The following SPRING1 variants were observed in gnomAD, a reference collection of about 807,000 sequenced individuals.
SPRING1 encodes the protein SREBP regulating gene protein.
SPRING1 carries 14 observed loss-of-function variants against 24.7 expected under a neutral mutation model. That is an observed-to-expected ratio of 0.57 (90% CI 0.37 to 0.88). The LOEUF is 0.88. SPRING1 is among the 40% of genes least tolerant of loss of function. The pLI, the probability that SPRING1 is intolerant of heterozygous loss-of-function variation, is 0.00. For missense variants in SPRING1, 255 were observed against 268.4 expected, an observed-to-expected ratio of 0.95 and a Z score of 0.35; for synonymous variants, 93 against 106.1, an observed-to-expected ratio of 0.88 and a Z score of 0.76.
Position 116,722,835 on chromosome 12 carries a change from T to C in SPRING1, c.268+232A>G, listed in dbSNP as rs535374315. Among the ~76,000 whole-genome samples, 8 of 152,300 alleles carry C rather than the reference T, an allele frequency of 5.3e-5. No individual in the cohort carries two copies. The East Asian group carries it at 1.5e-3, about 29-fold the overall frequency. Reference sequence around the variant, plus strand: ...GTGACACAGTGCTCATGTTGTAAGTTGTAGGCAGAAAGAACTTTTAAGAGT... The same window carrying C: ...GTGACACAGTGCTCATGTTGTAAGTCGTAGGCAGAAAGAACTTTTAAGAGT... On this transcript the variant is annotated intron_variant, in intron 2 of 4. Transcript: ENST00000261318.
intron 1 of SPRING1, among the ~76,000 whole-genome samples, chr12:116,732,478 C>T (rs896982493): frequency 1.3e-5 from 2 of 152,070 alleles, no homozygotes; most frequent in Non-Finnish European, 2.9e-5. Flanking sequence ...GAGGCCGAGG[C>T]GGGCAGATCA....
intron 1 of SPRING1, among the ~76,000 whole-genome samples, chr12:116,735,123 G>A (rs376073126): frequency 2.0e-5 from 3 of 152,094 alleles, no homozygotes; most frequent in East Asian, 3.9e-4. Flanking sequence ...TATAGGGAGT[G>A]AGAGGAGAAA....
chr12:116,716,916 T>G lies in SPRING1; in HGVS notation c.*894A>C, dbSNP rs1212363980. The G allele has an allele frequency of 6.6e-6, 1 of 152,182 alleles. No individual in the cohort carries two copies. The highest frequency in any genetic ancestry group is 2.4e-5 in the African/African-American group (1 of 41,444). 9.4% of individuals were successfully genotyped at this position (152,182 alleles called of 1,614,324 possible). On this transcript the variant is annotated 3_prime_UTR_variant, in exon 5 of 5. Transcript: ENST00000261318. ...ACAGGGGAGGAGGTTGCCTCTGACC[T>G]TCCTGAGGCTCCCACTGTACCCTGG...
Position 116,715,059 on chromosome 12 carries a change from CAG to C in SPRING1, c.*2749_*2750del, listed in dbSNP as rs1228093213. Reference sequence around the variant, plus strand: ...CAATATTTTTTTCTTTTTTTTGAGACAGAGTCTCACAAAAACAGGCACACGCC... The same window carrying C: ...CAATATTTTTTTCTTTTTTTTGAGACAGTCTCACAAAAACAGGCACACGCC... On this transcript the variant is annotated 3_prime_UTR_variant, in exon 5 of 5. Coordinates refer to ENST00000261318, the MANE Select transcript of SPRING1 (RefSeq NM_024738.4). 1.3e-5 allele frequency: 2 copies of C among 151,762 alleles called. No individual in the cohort carries two copies. The highest frequency in any genetic ancestry group is 1.5e-5 in the Non-Finnish European group (1 of 67,998). 9.4% of individuals were successfully genotyped at this position (151,762 alleles called of 1,614,324 possible). A position where few individuals can be genotyped will look rare whatever the true frequency, so the allele number is the denominator to read the frequency against.
chr12:116,721,575 G>A (rs142150966), intron 2 of SPRING1, among the ~76,000 whole-genome samples: 41 of 152,264 alleles, frequency 2.7e-4, no homozygotes, highest in African/African-American at 8.7e-4. Context: ...CTTGGGAATC[G>A]GTGCCTTTTG....
Position 116,735,922 on chromosome 12 carries a change from C to T in SPRING1, c.111+1868G>A, listed in dbSNP as rs192672577. The stretch of plus-strand genomic sequence containing the variant: ...GGGCATGGTGGCGCATGCCTGTAAT[C>T]CCAGCTACTCAAGAAGGCTGAGGCA... On this transcript the variant is annotated intron_variant, in intron 1 of 4. Transcript: ENST00000261318. Among the ~76,000 whole-genome samples the T allele has an allele frequency of 9.3e-3, 1,411 of 151,290 alleles. 13 individuals are homozygous for T. Among genetic ancestry groups the T allele is most frequent in the Non-Finnish European group, 0.014 (963 of 67,838 alleles).
chr12:116,724,269 T>C, intron 1 of SPRING1, among the ~76,000 whole-genome samples: 1 of 152,230 alleles, frequency 6.6e-6, no homozygotes, highest in Non-Finnish European at 1.5e-5. Context: ...CTAAAATTTA[T>C]CTAGGAAAGT....
intron 1 of SPRING1, among the ~76,000 whole-genome samples, chr12:116,736,476 G>A (rs1871226116): frequency 6.6e-6 from 1 of 152,236 alleles, no homozygotes; most frequent in South Asian, 2.1e-4. Context: ...TAAGGTGGCA[G>A]GTCACGTACA....
Position 116,717,801 on chromosome 12 carries a change from C to T in SPRING1, c.*9G>A. 2 of 1,584,610 alleles carry T rather than the reference C, an allele frequency of 1.3e-6. No individual in the cohort carries two copies. Among genetic ancestry groups the T allele is most frequent in the Non-Finnish European group, 1.7e-6 (2 of 1,167,466 alleles). ...CCTCACCCAGGCTGGAGCAAGTCCGCTGCACCCGTCAAGCGGGGAAGAGCT... is the reference window on the plus strand; with the variant it reads ...CCTCACCCAGGCTGGAGCAAGTCCGTTGCACCCGTCAAGCGGGGAAGAGCT... On this transcript the variant is annotated 3_prime_UTR_variant, in exon 5 of 5. Coordinates refer to ENST00000261318, the MANE Select transcript of SPRING1 (RefSeq NM_024738.4). The surrounding 1 kb of genome is among the most constrained non-coding windows in gnomAD (Gnocchi z 4.2).
intron 1 of SPRING1, among the ~76,000 whole-genome samples, chr12:116,729,938 C>T (rs777069048): frequency 1.1e-4 from 16 of 152,100 alleles, no homozygotes; most frequent in Non-Finnish European, 1.0e-4. Flanking sequence ...CTCGCTCTGT[C>T]GCCCAGGCTG....
At chr12:116,731,846 TG>T (rs1870991317) in intron 1 of SPRING1, among the ~76,000 whole-genome samples, 2 of 152,296 alleles carry the variant, frequency 1.3e-5, no homozygotes, top group Admixed American at 1.3e-4. Context: ...AAGTCTAACA[TG>T]GGTAAGCCGA....
intron 1 of SPRING1, among the ~76,000 whole-genome samples, chr12:116,727,111 A>T (rs1037328579): frequency 6.6e-6 from 1 of 152,208 alleles, no homozygotes; most frequent in Admixed American, 6.5e-5. Context: ...TGTTTCACCT[A>T]CCCTATTAGG....
rs36071252 is a variant in SPRING1 at position 116,711,025 on chromosome 12, A to ACACACG, written c.*6784_*6785insCGTGTG. ...TTTTGTTACACACACACACACACAC[A>ACACACG]CACGCACACACAGAGCCAATGTATG... On this transcript the variant is annotated 3_prime_UTR_variant, in exon 5 of 5. Coordinates refer to ENST00000261318, the MANE Select transcript of SPRING1 (RefSeq NM_024738.4). The ACACACG allele has an allele frequency of 0.13, 19,156 of 150,794 alleles. 1,691 individuals carry two copies. Among genetic ancestry groups the ACACACG allele is most frequent in the African/African-American group, 0.26 (10,482 of 40,936 alleles). The allele number at this position is 150,794 out of a possible 1,614,324, so 9.3% of individuals were successfully genotyped here.
At chr12:116,721,477 C>T (rs929147625) in intron 2 of SPRING1, among the ~76,000 whole-genome samples, 1 of 152,182 alleles carries the variant, frequency 6.6e-6, no homozygotes, top group Admixed American at 6.5e-5. Flanking sequence ...GCAGGAGGCA[C>T]CAGTAGAACA....
Position 116,714,382 on chromosome 12 carries a change from T to C in SPRING1, c.*3428A>G, listed in dbSNP as rs1870013840. The C allele has an allele frequency of 6.6e-6, 1 of 152,248 alleles. No individual in the cohort carries two copies. Among genetic ancestry groups the C allele is most frequent in the South Asian group, 2.1e-4 (1 of 4,834 alleles). 9.4% of individuals were successfully genotyped at this position (152,248 alleles called of 1,614,324 possible). ...TTCCCCACGATTCCCTTGGGGCCAGTGCCGACTGAGGCATCTCCAGGAGGC... is the reference window on the plus strand; with the variant it reads ...TTCCCCACGATTCCCTTGGGGCCAGCGCCGACTGAGGCATCTCCAGGAGGC... On this transcript the variant is annotated 3_prime_UTR_variant, in exon 5 of 5. Coordinates refer to ENST00000261318, the MANE Select transcript of SPRING1 (RefSeq NM_024738.4).
intron 4 of SPRING1, among the ~76,000 whole-genome samples, chr12:116,718,634 T>C (rs1310901237): frequency 6.6e-6 from 1 of 152,242 alleles, no homozygotes; most frequent in Non-Finnish European, 1.5e-5. Flanking sequence ...AATCTTTTTA[T>C]GGTAAAAAAG....
intron 1 of SPRING1, among the ~76,000 whole-genome samples, chr12:116,731,346 C>T (rs188957306): frequency 7.9e-5 from 12 of 152,196 alleles, no homozygotes; most frequent in Admixed American, 3.3e-4. Flanking sequence ...AACATTTTGT[C>T]GTTATTCTGA....
rs185625444 is a variant in SPRING1, at chr12:116,733,587, G to A, written c.111+4203C>T. ...GGATATAAATAAGAAAAATATTTTT[G>A]TACAGCTTTACAATGTGTTTGTGTT... is the stretch of plus-strand genomic sequence containing the variant. On this transcript the variant is annotated intron_variant, in intron 1 of 4. Coordinates refer to ENST00000261318, the MANE Select transcript of SPRING1 (RefSeq NM_024738.4). Among the ~76,000 whole-genome samples, 13 of 152,174 alleles carry A rather than the reference G, an allele frequency of 8.5e-5. No individual in the cohort carries two copies. In the East Asian group the frequency reaches 2.5e-3, roughly 29 times the overall value.
rs765487093 is a variant in SPRING1 at position 116,720,977 on chromosome 12, CTTA to C, written c.269-533_269-531del. On this transcript the variant is annotated intron_variant, in intron 2 of 4. Transcript: ENST00000261318. This position sits in a 1 kb window ranked among gnomAD's most constrained non-coding sequence, Gnocchi z 4.0. ...AAAATAGAAATATTCACATCTAACC[CTTA>C]TAAACTGATTTATACGTGTACGTGC... Among the ~76,000 whole-genome samples, 1 of 152,182 alleles carries C rather than the reference CTTA, an allele frequency of 6.6e-6. No homozygotes were observed. The highest frequency in any genetic ancestry group is 1.5e-5 in the Non-Finnish European group (1 of 68,038).
Sources: gnomAD v4.1 joint callset for allele counts (sites outside exome capture counted in the v4.1 genomes callset) on GRCh38, gnomAD v4.1.1 for gene constraint, Gnocchi (gnomAD v3.1) non-coding constraint, MANE v1.5 for transcripts, NCBI Gene and HGNC (gene_info 2026-07-23, HGNC 2026-07-21) for gene names.